TMEM35A: variants seen among roughly 807,000 people sequenced by gnomAD.
The protein encoded by TMEM35A is transmembrane protein 35A.
For synonymous variants in TMEM35A, 50 were observed against 54.7 expected, an observed-to-expected ratio of 0.91 and a Z score of 0.38; for missense variants, 83 against 132.7, an observed-to-expected ratio of 0.63 and a Z score of 1.84.
chrX:101,082,680 T>A (rs754698910), intron 1 of TMEM35A, among the ~76,000 whole-genome samples: 40 of 110,591 alleles, frequency 3.6e-4, no homozygotes, highest in African/African-American at 1.3e-3. Context: ...GTTTTGCTCT[T>A]GTTGCCCAGG....
At chrX:101,085,007 A>C (rs2089302980) in intron 1 of TMEM35A, among the ~76,000 whole-genome samples, 1 of 111,994 alleles carries the variant, frequency 8.9e-6, no homozygotes, top group Non-Finnish European at 1.9e-5. Context: ...ACTTCTAACA[A>C]CATAAGTCAA....
chrX:101,082,667 G>T (rs1489621898), intron 1 of TMEM35A, among the ~76,000 whole-genome samples: 1 of 109,937 alleles, frequency 9.1e-6, no homozygotes, highest in Non-Finnish European at 1.9e-5. Flanking sequence ...TTTATGAGAC[G>T]GAGTTTTGCT....
intron 1 of TMEM35A, chrX:101,081,730 C>T (rs976744347): frequency 2.7e-5 from 3 of 112,066 alleles, no homozygotes; most frequent in Admixed American, 9.5e-5. Flanking sequence ...GATCTCAAAG[C>T]GTTGTTGCTG....
At chrX:101,079,794 CAA>C (rs1208443361) in intron 1 of TMEM35A, among the ~76,000 whole-genome samples, 1 of 111,749 alleles carries the variant, frequency 8.9e-6, no homozygotes. Flanking sequence ...ACAAAATCTG[CAA>C]AGTCTGCTTT....
chrX:101,083,959 A>G (rs2089299281), intron 1 of TMEM35A, among the ~76,000 whole-genome samples: 1 of 110,402 alleles, frequency 9.1e-6, no homozygotes, highest in Non-Finnish European at 1.9e-5. Context: ...ATTACATGAC[A>G]GTGGAAAGTA....
intron 1 of TMEM35A, among the ~76,000 whole-genome samples, chrX:101,089,032 G>T (rs756851392): frequency 9.0e-6 from 1 of 111,097 alleles, no homozygotes; most frequent in Non-Finnish European, 1.9e-5. Context: ...AGAGGAAAGG[G>T]GTGGGCTTCT....
chrX:101,083,510 T>G (rs1341828995), intron 1 of TMEM35A, among the ~76,000 whole-genome samples: 1 of 112,100 alleles, frequency 8.9e-6, no homozygotes, highest in Non-Finnish European at 1.9e-5. Flanking sequence ...TTATGTGTAG[T>G]TAAGTGCCCT....
At chrX:101,092,676 A>C (rs763821349) in intron 1 of TMEM35A, among the ~76,000 whole-genome samples, 1 of 108,251 alleles carries the variant, frequency 9.2e-6, no homozygotes, top group African/African-American at 3.4e-5. Flanking sequence ...CCTGGCCAAC[A>C]TGGCGAAACC....
At chrX:101,085,956 A>G (rs766424715) in intron 1 of TMEM35A, among the ~76,000 whole-genome samples, 1 of 111,505 alleles carries the variant, frequency 9.0e-6, no homozygotes, top group South Asian at 3.8e-4. Context: ...ATAAAAATAA[A>G]TAAAATTTAA....
intron 1 of TMEM35A, among the ~76,000 whole-genome samples, chrX:101,088,071 G>A (rs762159577): frequency 1.1e-4 from 12 of 110,066 alleles, no homozygotes; most frequent in South Asian, 4.0e-4. Context: ...GGTGGTGCGC[G>A]CCTGTAGTCA....
At chrX:101,079,706 T>G (rs898768697) in intron 1 of TMEM35A, among the ~76,000 whole-genome samples, 4 of 111,816 alleles carry the variant, frequency 3.6e-5, no homozygotes, top group African/African-American at 1.3e-4. Flanking sequence ...TAAAGGTCAC[T>G]AAGCTCTTGT....
chrX:101,084,954 C>T (rs546946034), intron 1 of TMEM35A, among the ~76,000 whole-genome samples: 3 of 111,720 alleles, frequency 2.7e-5, no homozygotes, highest in South Asian at 7.4e-4. Context: ...TTCCTCATGG[C>T]CCCTTCCAGT....
At chrX:101,090,780 T>G (rs986381481) in intron 1 of TMEM35A, among the ~76,000 whole-genome samples, 1 of 111,191 alleles carries the variant, frequency 9.0e-6, no homozygotes, top group African/African-American at 3.3e-5. Flanking sequence ...AGAATCATTC[T>G]TGACTCTTCC....
chrX:101,082,748 G>A (rs1479205361), intron 1 of TMEM35A, among the ~76,000 whole-genome samples: 1 of 110,179 alleles, frequency 9.1e-6, no homozygotes, highest in Admixed American at 9.8e-5. Context: ...GGGTTCAAGC[G>A]ATTCTCCTGC....
At position 101,078,910 on chromosome X, in the gene TMEM35A, T is replaced by C. The variant is rs1569495344; in HGVS notation, c.-93T>C. The C allele has an allele frequency of 3.2e-5, 35 of 1,108,318 alleles. No homozygotes were observed. The highest frequency in any genetic ancestry group is 4.0e-5 in the Non-Finnish European group (33 of 818,937). The allele number at this position is 1,108,318 out of a possible 1,213,427, so 91.3% of individuals were successfully genotyped here. On this transcript the variant is annotated 5_prime_UTR_variant, in exon 1 of 2. Coordinates refer to ENST00000372930, the MANE Select transcript of TMEM35A (RefSeq NM_021637.3). ...CTAGCTGCCTGCTGCCTCCGCAGCG[T>C]CCCCCCAGCTCTCCCTGTGCTAACT...
intron 1 of TMEM35A, among the ~76,000 whole-genome samples, chrX:101,092,508 T>G (rs1358869021): frequency 9.0e-6 from 1 of 111,688 alleles, no homozygotes; most frequent in Non-Finnish European, 1.9e-5. Context: ...CTAATTTATC[T>G]CTGTATCATT....
chrX:101,093,954 C>G (rs2089331496), intron 1 of TMEM35A, among the ~76,000 whole-genome samples: 1 of 111,287 alleles, frequency 9.0e-6, no homozygotes, highest in South Asian at 3.7e-4. Flanking sequence ...TAGGAACACT[C>G]CACCCTCATG....
At position 101,090,169 on chromosome X, in the gene TMEM35A, C is replaced by CTTTCTTTTTTTTTTTTTTTTT. The variant is rs1556381270; in HGVS notation, c.121-4401_121-4400insCTTTTTTTTTTTTTTTTTTTT. ...ACTCTGTCTTTCCATTTCTTTCTTT[C>CTTTCTTTTTTTTTTTTTTTTT]TTTTTTTTTTTGAGACAGAGTCTTG... On this transcript the variant is annotated intron_variant, in intron 1 of 1. Coordinates refer to ENST00000372930, the MANE Select transcript of TMEM35A (RefSeq NM_021637.3). Among the ~76,000 whole-genome samples the CTTTCTTTTTTTTTTTTTTTTT allele has an allele frequency of 5.1e-5, 5 of 97,525 alleles. 1 individual carries two copies. The highest frequency in any genetic ancestry group is 2.2e-4 in the African/African-American group (5 of 22,737). 84.7% of individuals were successfully genotyped at this position (97,525 alleles called of 115,157 possible).
intron 1 of TMEM35A, among the ~76,000 whole-genome samples, chrX:101,084,625 G>A (rs2089301771): frequency 9.0e-6 from 1 of 111,618 alleles, no homozygotes; most frequent in African/African-American, 3.3e-5. Context: ...AGCACTTTGG[G>A]AGGCCAAGGT....
Sources: gnomAD v4.1 joint callset for allele counts (sites outside exome capture counted in the v4.1 genomes callset) on GRCh38, gnomAD v4.1.1 for gene constraint, MANE v1.5 for transcripts, NCBI Gene and HGNC (gene_info 2026-07-23, HGNC 2026-07-21) for gene names.